The following GFOD1 variants were observed in gnomAD, a reference collection of about 807,000 sequenced individuals.
GFOD1 encodes Gfo/Idh/MocA-like oxidoreductase domain containing 1, also known as glucose-fructose oxidoreductase domain-containing protein 1.
In GFOD1, 9 loss-of-function variants were observed where a neutral mutation model predicts 25.4. The ratio of observed to expected loss-of-function variants is 0.35; its 90% confidence interval spans 0.21 to 0.62. The LOEUF is 0.62. GFOD1 is among the 20% of genes least tolerant of loss of function. The pLI is 0.72. For synonymous variants in GFOD1, 253 were observed against 245.6 expected (o/e 1.03, Z -0.28); for missense variants, 403 against 556.9 (o/e 0.72, Z 2.78).
intron 1 of GFOD1, chr6:13,408,208 C>A: frequency 2.3e-6 from 1 of 444,160 alleles, no homozygotes; most frequent in Non-Finnish European, 3.0e-6. Flanking sequence ...GGCCTTGGGC[C>A]AGACTATGGC....
chr6:13,461,120 G>A (rs1758283417), intron 1 of GFOD1, among the ~76,000 whole-genome samples: 1 of 152,210 alleles, frequency 6.6e-6, no homozygotes. Flanking sequence ...TATTGGCATG[G>A]GTTATGAGTG....
chr6:13,470,303 C>A lies in GFOD1; in HGVS notation c.253+16335G>T, dbSNP rs535844750. 7 of 1,584,010 alleles carry A rather than the reference C, an allele frequency of 4.4e-6. No homozygotes were observed. In the South Asian group the frequency reaches 4.7e-5, roughly 11 times the overall value. ...CATGCCAGCAGGCTGTGGCTGGAGG[C>A]CCGCTGCATTCAGGCAAGAATGTGC... On this transcript the variant is annotated intron_variant, in intron 1 of 1. Coordinates refer to ENST00000379287, the MANE Select transcript of GFOD1 (RefSeq NM_018988.4).
Position 13,364,098 on chromosome 6 carries a change from C to G in GFOD1, c.*645G>C, listed in dbSNP as rs946914721. On this transcript the variant is annotated 3_prime_UTR_variant, in exon 2 of 2. Transcript: ENST00000379287. The surrounding 1 kb of genome is among the most constrained non-coding windows in gnomAD (Gnocchi z 4.1). Reference sequence around the variant, plus strand: ...CTCTACCAGGTGAAGGGCAATGAACCAAGTACAAAGACACACCCTCAGTGC... The same window carrying G: ...CTCTACCAGGTGAAGGGCAATGAACGAAGTACAAAGACACACCCTCAGTGC... 2.0e-5 allele frequency: 3 copies of G among 152,232 alleles called. No homozygotes were observed. The highest frequency in any genetic ancestry group is 4.4e-5 in the Non-Finnish European group (3 of 68,098). The allele number at this position is 152,232 out of a possible 1,614,324, so 9.4% of individuals were successfully genotyped here. A position where few individuals can be genotyped will look rare whatever the true frequency, so the allele number is the denominator to read the frequency against.
chr6:13,409,163 A>AAAGAAAGAAAGGAAGG (rs1562209486), intron 1 of GFOD1, among the ~76,000 whole-genome samples: 8 of 61,400 alleles, frequency 1.3e-4, no homozygotes, highest in African/African-American at 7.2e-4. Flanking sequence ...GGAAAGAAAG[A>AAAGAAAGAAAGGAAGG]AAGGAAAGAG....
At chr6:13,453,470 C>T (rs1321011159) in intron 1 of GFOD1, among the ~76,000 whole-genome samples, 1 of 152,200 alleles carries the variant, frequency 6.6e-6, no homozygotes, top group Non-Finnish European at 1.5e-5. Flanking sequence ...AAACACAATG[C>T]ATAGTTGCAG....
chr6:13,454,133 T>TGAAA (rs1758147011), intron 1 of GFOD1, among the ~76,000 whole-genome samples: 1 of 152,136 alleles, frequency 6.6e-6, no homozygotes, highest in Non-Finnish European at 1.5e-5. Flanking sequence ...GACGAGGTGA[T>TGAAA]GCATCCTCAG....
intron 1 of GFOD1, among the ~76,000 whole-genome samples, chr6:13,373,545 G>C (rs9474042): frequency 6.6e-6 from 1 of 151,928 alleles, no homozygotes; most frequent in South Asian, 2.1e-4. Flanking sequence ...AAAAAAGGCA[G>C]GTCAAAGACA....
chr6:13,484,420 A>G (rs1442900954), intron 1 of GFOD1, among the ~76,000 whole-genome samples: 2 of 152,196 alleles, frequency 1.3e-5, no homozygotes, highest in African/African-American at 4.8e-5. Flanking sequence ...TGAACCTTCA[A>G]CAGTGACTGT....
chr6:13,381,439 G>A (rs1270225122), intron 1 of GFOD1, among the ~76,000 whole-genome samples: 1 of 152,204 alleles, frequency 6.6e-6, no homozygotes, highest in Non-Finnish European at 1.5e-5. Context: ...CAGGATACAG[G>A]TAATAAAGGC....
At chr6:13,433,347 G>A (rs1757782421) in intron 1 of GFOD1, among the ~76,000 whole-genome samples, 1 of 152,098 alleles carries the variant, frequency 6.6e-6, no homozygotes, top group Admixed American at 6.5e-5. Flanking sequence ...TCAAACTCTT[G>A]ACCTCAGATC....
At chr6:13,441,591 G>A (rs188258120) in intron 1 of GFOD1, among the ~76,000 whole-genome samples, 49 of 152,212 alleles carry the variant, frequency 3.2e-4, no homozygotes, top group Admixed American at 6.5e-4. Flanking sequence ...TCATCAATAC[G>A]TTCTTGGAAA....
At chr6:13,375,220 C>A (rs2127557117) in intron 1 of GFOD1, among the ~76,000 whole-genome samples, 1 of 152,206 alleles carries the variant, frequency 6.6e-6, no homozygotes, top group African/African-American at 2.4e-5. Flanking sequence ...ACTTTTGCAC[C>A]CTTGCTGCCT....
At chr6:13,452,058 G>A in intron 1 of GFOD1, among the ~76,000 whole-genome samples, 1 of 152,208 alleles carries the variant, frequency 6.6e-6, no homozygotes, top group East Asian at 1.9e-4. Context: ...AATGGTCAAA[G>A]AGAGATGCTC....
Position 13,409,737 on chromosome 6 carries a change from C to G in GFOD1, c.254-44075G>C, listed in dbSNP as rs569874517. On this transcript the variant is annotated intron_variant, in intron 1 of 1. Coordinates refer to ENST00000379287, the MANE Select transcript of GFOD1 (RefSeq NM_018988.4). ...GAGATTGAGACCATCCTAGCTAACA[C>G]AGTGAAACCCCGTCTCTACTAAAAA... Among the ~76,000 whole-genome samples the G allele has an allele frequency of 2.0e-5, 3 of 152,138 alleles. No individual in the cohort carries two copies. The East Asian group carries it at 5.8e-4, about 29-fold the overall frequency.
chr6:13,450,552 A>G (rs1758079025), intron 1 of GFOD1, among the ~76,000 whole-genome samples: 1 of 152,208 alleles, frequency 6.6e-6, no homozygotes, highest in African/African-American at 2.4e-5. Flanking sequence ...CAAGCTCCCA[A>G]GAGTCCTCTT....
chr6:13,360,682 G>C lies in GFOD1; in HGVS notation c.*4061C>G. 1 of 456,624 alleles carries C rather than the reference G, an allele frequency of 2.2e-6. No homozygotes were observed. The highest frequency in any genetic ancestry group is 4.4e-6 in the Non-Finnish European group (1 of 226,844). 28.3% of individuals were successfully genotyped at this position (456,624 alleles called of 1,614,324 possible). On this transcript the variant is annotated 3_prime_UTR_variant, in exon 2 of 2. Coordinates refer to ENST00000379287, the MANE Select transcript of GFOD1 (RefSeq NM_018988.4). ...GGGAAGAAACACTGGCTACTTCTATGTGCAGCTCTACAGCCTCCTGGCAGA... is the reference window on the plus strand; with the variant it reads ...GGGAAGAAACACTGGCTACTTCTATCTGCAGCTCTACAGCCTCCTGGCAGA...
At chr6:13,381,837 A>ACAG (rs1195789440) in intron 1 of GFOD1, among the ~76,000 whole-genome samples, 7 of 151,414 alleles carry the variant, frequency 4.6e-5, no homozygotes, top group South Asian at 2.1e-4. Context: ...TCCTCCTGAG[A>ACAG]CAGGTCACCA....
At chr6:13,375,627 T>C (rs1785240811) in intron 1 of GFOD1, among the ~76,000 whole-genome samples, 1 of 152,202 alleles carries the variant, frequency 6.6e-6, no homozygotes, top group Non-Finnish European at 1.5e-5. Flanking sequence ...CTGATGTTGA[T>C]GGGACTTAGT....
chr6:13,424,860 TAAC>T (rs1312305512), intron 1 of GFOD1, among the ~76,000 whole-genome samples: 3 of 151,558 alleles, frequency 2.0e-5, no homozygotes, highest in African/African-American at 4.9e-5. Flanking sequence ...ATTATAATAA[TAAC>T]AACAATAACT....
Sources: gnomAD v4.1 joint callset for allele counts (sites outside exome capture counted in the v4.1 genomes callset) on GRCh38, gnomAD v4.1.1 for gene constraint, Gnocchi (gnomAD v3.1) non-coding constraint, MANE v1.5 for transcripts, NCBI Gene and HGNC (gene_info 2026-07-23, HGNC 2026-07-21) for gene names.